Variants in ZNF676 observed in about 807,000 individuals in gnomAD.
The protein encoded by ZNF676 is zinc finger protein 676.
In ZNF676, 4 loss-of-function variants were observed where a neutral mutation model predicts 6.0. The observed-to-expected ratio is 0.67, with a 90% CI of 0.33 to 1.53. The LOEUF (loss-of-function observed/expected upper bound fraction) is 1.53, where lower values mean the gene tolerates loss of function less well. Ranked by LOEUF, ZNF676 falls within the 40% of genes most tolerant of loss-of-function variation. The pLI is 0.06. For synonymous variants in ZNF676, 198 were observed against 223.1 expected, an observed-to-expected ratio of 0.89 and a Z score of 1.00; for missense variants, 644 against 679.7, an observed-to-expected ratio of 0.95 and a Z score of 0.58.
intron 2 of ZNF676, among the ~76,000 whole-genome samples, chr19:22,189,433 A>G (rs1193101703): frequency 6.6e-6 from 1 of 152,068 alleles, no homozygotes; most frequent in African/African-American, 2.4e-5. Context: ...GAAAACCTAG[A>G]GAATACTACT....
At chr19:22,222,175 G>C in the ZNF676 span, among the ~76,000 whole-genome samples, 1 of 152,064 alleles carries the variant, frequency 6.6e-6, no homozygotes, top group African/African-American at 2.4e-5. Context: ...TGTGATCTTG[G>C]CTCACTTGCA....
chr19:22,231,178 T>A, the ZNF676 span, among the ~76,000 whole-genome samples: 2 of 150,592 alleles, frequency 1.3e-5, no homozygotes, highest in South Asian at 2.1e-4. Context: ...AGAAGTTTTA[T>A]GTAATTTCCA....
At chr19:22,182,630 G>A (rs1281009916) in intron 2 of ZNF676, among the ~76,000 whole-genome samples, 3 of 77,954 alleles carry the variant, frequency 3.8e-5, no homozygotes, top group African/African-American at 5.8e-5. Context: ...GCTATAAAGT[G>A]AGAATAAATA....
chr19:22,253,405 TA>T, the ZNF676 span, among the ~76,000 whole-genome samples: 1 of 73,694 alleles, frequency 1.4e-5, no homozygotes, highest in Admixed American at 1.4e-4. Flanking sequence ...TGATAATGTG[TA>T]TATATATATA....
chr19:22,201,593 G>GA (rs2024026145), upstream of ZNF676, among the ~76,000 whole-genome samples: 1 of 151,968 alleles, frequency 6.6e-6, no homozygotes, highest in African/African-American at 2.4e-5. Context: ...TATTTTACCT[G>GA]AAAAAAGCTG....
At chr19:22,234,548 G>A in the ZNF676 span, among the ~76,000 whole-genome samples, 2 of 152,130 alleles carry the variant, frequency 1.3e-5, no homozygotes, top group African/African-American at 2.4e-5. Context: ...ATAGTCAAAC[G>A]TTCAGTTTTT....
the ZNF676 span, among the ~76,000 whole-genome samples, chr19:22,223,700 A>G: frequency 1.3e-5 from 2 of 152,096 alleles, no homozygotes; most frequent in East Asian, 3.9e-4. Context: ...ATATTTAGTT[A>G]TAAATTTAAG....
At chr19:22,241,739 C>T in the ZNF676 span, among the ~76,000 whole-genome samples, 1 of 151,896 alleles carries the variant, frequency 6.6e-6, no homozygotes, top group Non-Finnish European at 1.5e-5. Flanking sequence ...TGAGAGTCAA[C>T]ATCTCTTTAA....
At chr19:22,200,514 A>T (rs974073612), upstream of ZNF676, among the ~76,000 whole-genome samples, 1 of 80,840 alleles carries the variant, frequency 1.2e-5, no homozygotes, top group African/African-American at 5.7e-5. Flanking sequence ...CTGCTTCATC[A>T]ATTTTTTTTT....
At chr19:22,206,619 G>C (rs1442445602) in intron 1 of ZNF676, among the ~76,000 whole-genome samples, 3 of 151,400 alleles carry the variant, frequency 2.0e-5, no homozygotes, top group Non-Finnish European at 4.4e-5. Context: ...AGGTTGCAGT[G>C]AACCAAGATT....
the ZNF676 span, among the ~76,000 whole-genome samples, chr19:22,233,425 A>T: frequency 6.6e-6 from 1 of 152,106 alleles, no homozygotes; most frequent in Non-Finnish European, 1.5e-5. Context: ...GACATTTTTT[A>T]AAAAGCTACC....
chr19:22,216,321 G>C (rs938104109), upstream of ZNF676, among the ~76,000 whole-genome samples: 3 of 151,992 alleles, frequency 2.0e-5, no homozygotes, highest in Non-Finnish European at 4.4e-5. Context: ...TGTAATCCCA[G>C]CTATTCAGGA....
At chr19:22,253,416 ATGATAATG>A in the ZNF676 span, among the ~76,000 whole-genome samples, 30 of 56,908 alleles carry the variant, frequency 5.3e-4, no homozygotes, top group Middle Eastern at 9.3e-3. Context: ...ATATATATAT[ATGATAATG>A]TATATATATA....
intron 1 of ZNF676, among the ~76,000 whole-genome samples, chr19:22,209,505 G>T (rs1367721194): frequency 1.3e-5 from 2 of 152,056 alleles, no homozygotes; most frequent in African/African-American, 4.8e-5. Context: ...AGTTGAGGGT[G>T]GGAGGACTAA....
chr19:22,181,564 T>C lies in ZNF676; in HGVS notation c.153A>G (p.Gln51=). 8 of 1,572,260 alleles carry C rather than the reference T, an allele frequency of 5.1e-6. No individual in the cohort carries two copies. Among genetic ancestry groups the C allele is most frequent in the Non-Finnish European group, 6.9e-6 (8 of 1,163,572 alleles). The change falls in exon 3 of 3, where the codon CAA becomes CAG. Residue 51 remains glutamine, a synonymous_variant. Transcript: ENST00000397121. ...EPPVICSHFS[Q]EFWPEQGIED... ...CTATGCCTTGCTCTGGCCAAAACTC[T>C]TGGGAAAAATGAGAACATATAACTG...
chr19:22,221,579 C>T, the ZNF676 span, among the ~76,000 whole-genome samples: 1 of 152,008 alleles, frequency 6.6e-6, no homozygotes, highest in African/African-American at 2.4e-5. Flanking sequence ...GGTGAAACCC[C>T]ATCGCTACTA....
At chr19:22,226,345 C>T in the ZNF676 span, among the ~76,000 whole-genome samples, 121 of 151,806 alleles carry the variant, frequency 8.0e-4, 1 homozygote, top group African/African-American at 2.8e-3. Context: ...AGTTTATTAC[C>T]TCCTCTATTT....
chr19:22,204,494 A>G (rs570617619), intron 1 of ZNF676, among the ~76,000 whole-genome samples: 9 of 152,322 alleles, frequency 5.9e-5, no homozygotes, highest in African/African-American at 1.4e-4. Context: ...AACACTACAC[A>G]TAACTATACT....
intron 2 of ZNF676, among the ~76,000 whole-genome samples, chr19:22,190,142 C>T (rs957455329): frequency 7.2e-5 from 11 of 151,978 alleles, no homozygotes; most frequent in African/African-American, 2.7e-4. Context: ...CAGTAATATA[C>T]TGGATAAAGA....
Sources: gnomAD v4.1 joint callset for allele counts (sites outside exome capture counted in the v4.1 genomes callset) on GRCh38, gnomAD v4.1.1 for gene constraint, MANE v1.5 for transcripts, NCBI Gene and HGNC (gene_info 2026-07-23, HGNC 2026-07-21) for gene names.